TMEM267: variants seen among roughly 807,000 people sequenced by gnomAD.
The protein encoded by TMEM267 is transmembrane protein C5orf28.
In TMEM267, 20 loss-of-function variants were observed where a neutral mutation model predicts 19.3. The ratio of observed to expected loss-of-function variants is 1.04; its 90% CI spans 0.73 to 1.51. TMEM267 has a LOEUF of 1.51. Ranked by LOEUF, TMEM267 falls within the 40% of genes most tolerant of loss-of-function variation. TMEM267 has a pLI of 0.00. For missense variants in TMEM267, 242 were observed against 261.9 expected, an observed-to-expected ratio of 0.92 and a Z score of 0.52; for synonymous variants, 88 against 90.3, an observed-to-expected ratio of 0.97 and a Z score of 0.15.
chr5:43,475,096 T>A (rs570902185), intron 1 of TMEM267, among the ~76,000 whole-genome samples: 7 of 152,370 alleles, frequency 4.6e-5, no homozygotes, highest in Non-Finnish European at 8.8e-5. Context: ...ATTGTGGCAC[T>A]GTTTACAATA....
At chr5:43,468,496 T>G (rs1743881718) in intron 1 of TMEM267, among the ~76,000 whole-genome samples, 1 of 152,092 alleles carries the variant, frequency 6.6e-6, no homozygotes, top group Admixed American at 6.6e-5. Flanking sequence ...AGGGAGAGTC[T>G]AAAAACAGGG....
chr5:43,470,820 A>G (rs1459011245), intron 1 of TMEM267, among the ~76,000 whole-genome samples: 1 of 152,210 alleles, frequency 6.6e-6, no homozygotes, highest in African/African-American at 2.4e-5. Context: ...TGCGGATGAT[A>G]TGATCTTATA....
chr5:43,452,334 A>AT (rs1338456823), intron 2 of TMEM267, among the ~76,000 whole-genome samples: 1 of 152,120 alleles, frequency 6.6e-6, no homozygotes, highest in East Asian at 1.9e-4. Context: ...CCTTAGTGAA[A>AT]TGATGCAGAA....
intron 1 of TMEM267, among the ~76,000 whole-genome samples, chr5:43,473,694 T>G (rs774314439): frequency 6.6e-5 from 10 of 152,130 alleles, no homozygotes; most frequent in Non-Finnish European, 1.3e-4. Context: ...CCCAAAGTAA[T>G]TTACAGATTC....
rs540151527 is a variant in TMEM267 at position 43,482,008 on chromosome 5, A to C, written c.-75+1814T>G. Among the ~76,000 whole-genome samples the C allele has an allele frequency of 2.6e-5, 4 of 152,014 alleles. 1 individual carries two copies. In the South Asian group the frequency reaches 8.3e-4, roughly 31 times the overall value. The stretch of plus-strand genomic sequence containing the variant: ...CAGGCGCCCGCCACCACGCCCGGCT[A>C]ATTTCTTGTATTTTTAGCAGAGACG... On this transcript the variant is annotated intron_variant, in intron 1 of 2. Transcript: ENST00000397080.
At chr5:43,482,728 A>G (rs1406156810) in intron 1 of TMEM267, among the ~76,000 whole-genome samples, 1 of 152,222 alleles carries the variant, frequency 6.6e-6, no homozygotes, top group African/African-American at 2.4e-5. Flanking sequence ...TGCAATGGCC[A>G]AACTTTGTCA....
At chr5:43,470,958 T>C (rs1312057909) in intron 1 of TMEM267, among the ~76,000 whole-genome samples, 1 of 151,266 alleles carries the variant, frequency 6.6e-6, no homozygotes, top group African/African-American at 2.4e-5. Flanking sequence ...ATAAATAAAA[T>C]TGAAATAAAA....
At chr5:43,454,310 C>CAAATAGAT (rs1263023206) in intron 1 of TMEM267, 1 of 199,344 alleles carries the variant, frequency 5.0e-6, no homozygotes, top group African/African-American at 2.4e-5. Context: ...TTAAGGTCAT[C>CAAATAGAT]AAATAGATCT....
At chr5:43,461,213 G>C (rs1200735450) in intron 1 of TMEM267, among the ~76,000 whole-genome samples, 1 of 152,106 alleles carries the variant, frequency 6.6e-6, no homozygotes, top group African/African-American at 2.4e-5. Flanking sequence ...TGAAGGACAG[G>C]ACTCAAAAAC....
rs938206828 is a variant in TMEM267, at chr5:43,478,956, A to G, written c.-75+4866T>C. Reference sequence around the variant, plus strand: ...TCGTGGTCAATTTGACTATTTATCAAAAACCACAAAAAATAAGCAAACACT... The same window carrying G: ...TCGTGGTCAATTTGACTATTTATCAGAAACCACAAAAAATAAGCAAACACT... On this transcript the variant is annotated intron_variant, in intron 1 of 2. Transcript: ENST00000397080. Among the ~76,000 whole-genome samples the G allele has an allele frequency of 1.9e-4, 29 of 152,130 alleles. 1 individual carries two copies. Among genetic ancestry groups the G allele is most frequent in the Admixed American group, 1.9e-3 (29 of 15,276 alleles).
intron 1 of TMEM267, among the ~76,000 whole-genome samples, chr5:43,457,703 C>A (rs541370449): frequency 2.0e-5 from 3 of 151,720 alleles, no homozygotes; most frequent in East Asian, 1.9e-4. Context: ...GACACAAATC[C>A]AAACCATATC....
intron 2 of TMEM267, among the ~76,000 whole-genome samples, 175 bp from the exon 3 acceptor site, chr5:43,446,732 A>G (rs1742263912): frequency 6.6e-6 from 1 of 152,124 alleles, no homozygotes; most frequent in South Asian, 2.1e-4. Flanking sequence ...AAGAATATAA[A>G]AGTGTGAGCA....
rs1159742906 is a variant in TMEM267, at chr5:43,444,303, T to A, written c.*1919A>T. On this transcript the variant is annotated 3_prime_UTR_variant, in exon 3 of 3. Transcript: ENST00000397080. ...ATTTTATGTTTATTTTTTAAGACAG[T>A]CTCCCTCTGTCACACAGGCTGCAGT... 3 of 152,312 alleles carry A rather than the reference T, an allele frequency of 2.0e-5. No individual in the cohort carries two copies. The East Asian group carries it at 5.8e-4, about 29-fold the overall frequency. The allele number at this position is 152,312 out of a possible 1,614,324, so 9.4% of individuals were successfully genotyped here.
At chr5:43,462,634 C>T (rs1243180972) in intron 1 of TMEM267, among the ~76,000 whole-genome samples, 1 of 151,984 alleles carries the variant, frequency 6.6e-6, no homozygotes, top group Non-Finnish European at 1.5e-5. Flanking sequence ...CTGAAAAATG[C>T]AATTGGCATA....
intron 1 of TMEM267, among the ~76,000 whole-genome samples, chr5:43,476,446 G>A (rs1178369842): frequency 1.4e-5 from 2 of 147,862 alleles, no homozygotes; most frequent in African/African-American, 5.0e-5. Flanking sequence ...AATTCCATAG[G>A]TCTTTAGCTC....
At chr5:43,453,229 G>A (rs978246609) in intron 2 of TMEM267, among the ~76,000 whole-genome samples, 2 of 152,168 alleles carry the variant, frequency 1.3e-5, no homozygotes, top group Non-Finnish European at 2.9e-5. Flanking sequence ...GAGTACTTAG[G>A]AGCTGCATAC....
intron 1 of TMEM267, among the ~76,000 whole-genome samples, chr5:43,480,745 C>A (rs1744704732): frequency 6.7e-6 from 1 of 150,062 alleles, no homozygotes; most frequent in Non-Finnish European, 1.5e-5. Flanking sequence ...TTCTTTCACT[C>A]ATGAAGCAAT....
chr5:43,454,033 T>C lies in TMEM267; in HGVS notation c.-64A>G. 2 of 1,545,352 alleles carry C rather than the reference T, an allele frequency of 1.3e-6. No homozygotes were observed. Among genetic ancestry groups the C allele is most frequent in the Non-Finnish European group, 1.7e-6 (2 of 1,147,392 alleles). ...AATGAACAGTCTATTCTTGTTTACA[T>C]TTCCAGCACCCTAAAGGAGAAAGTA... On this transcript the variant is annotated 5_prime_UTR_variant, in exon 2 of 3. It removes an upstream start codon present in the reference 5' UTR. Coordinates refer to ENST00000397080, the MANE Select transcript of TMEM267 (RefSeq NM_022483.5).
At chr5:43,476,508 C>CTATTTTTT (rs1744431097) in intron 1 of TMEM267, among the ~76,000 whole-genome samples, 1 of 54,796 alleles carries the variant, frequency 1.8e-5, no homozygotes, top group African/African-American at 7.8e-5. Flanking sequence ...AAAGCCAGAC[C>CTATTTTTT]TTTTTTTTTT....
Sources: gnomAD v4.1 joint callset for allele counts (sites outside exome capture counted in the v4.1 genomes callset) on GRCh38, gnomAD v4.1.1 for gene constraint, MANE v1.5 for transcripts, NCBI Gene and HGNC (gene_info 2026-07-23, HGNC 2026-07-21) for gene names.